MARCHF3: variants seen among roughly 807,000 people sequenced by gnomAD.
The protein encoded by MARCHF3 is E3 ubiquitin-protein ligase MARCHF3.
In MARCHF3, 13 loss-of-function variants were observed where a neutral mutation model predicts 24.2. The ratio of observed to expected loss-of-function variants is 0.54; its 90% CI spans 0.35 to 0.85. The LOEUF is 0.85. MARCHF3 is among the 40% of genes least tolerant of loss of function. MARCHF3 has a pLI of 0.01. For synonymous variants in MARCHF3, 144 were observed against 137.3 expected (o/e 1.05, Z -0.34); for missense variants, 276 against 325.0 (o/e 0.85, Z 1.16).
chr5:127,008,921 ATTTAT>A (rs1752397742), intron 1 of MARCHF3, among the ~76,000 whole-genome samples: 1 of 146,252 alleles, frequency 6.8e-6, no homozygotes. Context: ...TTATTTATTT[ATTTAT>A]TTATTTTTAA....
At chr5:126,928,895 T>C (rs1749388153) in intron 1 of MARCHF3, among the ~76,000 whole-genome samples, 2 of 152,226 alleles carry the variant, frequency 1.3e-5, no homozygotes, top group African/African-American at 4.8e-5. Context: ...TCAGTATGAA[T>C]TTCTAAAAAT....
At chr5:127,019,024 A>C (rs184214435) in intron 1 of MARCHF3, among the ~76,000 whole-genome samples, 1 of 152,372 alleles carries the variant, frequency 6.6e-6, no homozygotes, top group Admixed American at 6.5e-5. Flanking sequence ...ATAATATGCC[A>C]GAAATATAGA....
intron 1 of MARCHF3, among the ~76,000 whole-genome samples, chr5:127,029,088 GACATGCTTACGCAT>G (rs1753091472): frequency 6.6e-6 from 1 of 152,250 alleles, no homozygotes; most frequent in Non-Finnish European, 1.5e-5. Flanking sequence ...GGCAGATGCA[GACATGCTTACGCAT>G]ACACACTCAC....
At chr5:126,888,679 G>A (rs1753574855) in intron 3 of MARCHF3, among the ~76,000 whole-genome samples, 1 of 152,216 alleles carries the variant, frequency 6.6e-6, no homozygotes, top group African/African-American at 2.4e-5. Context: ...GGAGAGCAAG[G>A]AAACAGAAGT....
At chr5:126,901,587 C>T (rs930979476) in intron 3 of MARCHF3, among the ~76,000 whole-genome samples, 27 of 152,132 alleles carry the variant, frequency 1.8e-4, no homozygotes, top group African/African-American at 6.5e-4. Context: ...ATATTTCACA[C>T]ATTAGTCATT....
intron 1 of MARCHF3, among the ~76,000 whole-genome samples, chr5:126,944,400 T>C (rs1419017725): frequency 6.6e-6 from 1 of 151,976 alleles, no homozygotes; most frequent in Non-Finnish European, 1.5e-5. Flanking sequence ...GAGTTCAAGA[T>C]CAGCCTGAGC....
chr5:126,987,747 T>C (rs191802418), intron 1 of MARCHF3, among the ~76,000 whole-genome samples: 1 of 152,256 alleles, frequency 6.6e-6, no homozygotes, highest in Admixed American at 6.5e-5. Context: ...CAACAGAGAC[T>C]GGGATTTCAA....
chr5:126,966,514 A>G (rs1750818307), intron 1 of MARCHF3, among the ~76,000 whole-genome samples: 1 of 150,532 alleles, frequency 6.6e-6, no homozygotes, highest in Non-Finnish European at 1.5e-5. Context: ...GCAAGGTAGA[A>G]TTTTGTTTAT....
intron 1 of MARCHF3, among the ~76,000 whole-genome samples, chr5:126,965,279 GA>G (rs1410622072): frequency 6.6e-6 from 1 of 152,158 alleles, no homozygotes; most frequent in Non-Finnish European, 1.5e-5. Flanking sequence ...TGGGCCCATG[GA>G]AAGAAGCCAA....
intron 1 of MARCHF3, chr5:126,946,445 A>G (rs988068319): frequency 6.6e-5 from 10 of 151,948 alleles, no homozygotes; most frequent in African/African-American, 2.2e-4. Flanking sequence ...TTGCAAAGTT[A>G]AGTTTTGTGT....
chr5:126,921,474 G>A (rs1255631923), intron 1 of MARCHF3, among the ~76,000 whole-genome samples: 2 of 152,162 alleles, frequency 1.3e-5, no homozygotes, highest in African/African-American at 4.8e-5. Flanking sequence ...TTGCACCTGG[G>A]GCAGTGACAA....
At chr5:126,887,283 A>G (rs938051350) in intron 3 of MARCHF3, among the ~76,000 whole-genome samples, 8 of 152,232 alleles carry the variant, frequency 5.3e-5, no homozygotes, top group African/African-American at 1.9e-4. Flanking sequence ...TATTTTCATA[A>G]ACTCTAATTG....
chr5:127,023,013 G>A (rs1007366230), intron 1 of MARCHF3, among the ~76,000 whole-genome samples: 1 of 152,082 alleles, frequency 6.6e-6, no homozygotes, highest in Admixed American at 6.6e-5. Context: ...CTGATCCTTG[G>A]TCTGTACACA....
chr5:126,935,243 T>C (rs1365694239), intron 1 of MARCHF3, among the ~76,000 whole-genome samples: 2 of 152,192 alleles, frequency 1.3e-5, no homozygotes, highest in Non-Finnish European at 2.9e-5. Flanking sequence ...TTCAAATTGA[T>C]AGGCTGAGCA....
intron 1 of MARCHF3, among the ~76,000 whole-genome samples, chr5:126,937,225 T>C (rs551368630): frequency 2.6e-5 from 4 of 152,340 alleles, no homozygotes; most frequent in South Asian, 4.1e-4. Context: ...TTTGCCCCAC[T>C]TGGGGGCAGT....
chr5:126,940,601 C>T (rs1470081837), intron 1 of MARCHF3, among the ~76,000 whole-genome samples: 1 of 152,068 alleles, frequency 6.6e-6, no homozygotes, highest in African/African-American at 2.4e-5. Flanking sequence ...GCACCCGCCA[C>T]CACACCCAGC....
In MARCHF3 at chr5:127,003,235, T is replaced by C. The variant is rs188486823; in HGVS notation, c.-57+27115A>G. 2.5e-3 allele frequency among the ~76,000 whole-genome samples: 373 copies of C among 151,656 alleles called. 1 individual carries two copies. Among genetic ancestry groups the C allele is most frequent in the African/African-American group, 8.5e-3 (353 of 41,300 alleles). The stretch of plus-strand genomic sequence containing the variant: ...TGGCTCACGCTTGTAATCCCAGCAC[T>C]TTGGGAGGCCGAGGCGGGCGGAACA... On this transcript the variant is annotated intron_variant, in intron 1 of 4. Transcript: ENST00000308660.
intron 1 of MARCHF3, among the ~76,000 whole-genome samples, chr5:126,963,998 T>G (rs1004455600): frequency 1.3e-5 from 2 of 152,204 alleles, no homozygotes; most frequent in African/African-American, 4.8e-5. Flanking sequence ...CTGAGTGAGC[T>G]AGCTGCTTGC....
rs555096060 is a variant in MARCHF3 at position 126,893,539 on chromosome 5, C to T, written c.394-15145G>A. On this transcript the variant is annotated intron_variant, in intron 3 of 4. Transcript: ENST00000308660. ...AACATCTTTATTTCTGCCTTCATTT[C>T]GTTATGTATCCAGTAGTCATTCAGG... 6.4e-4 allele frequency among the ~76,000 whole-genome samples: 98 copies of T among 151,996 alleles called. 2 individuals carry two copies. Among genetic ancestry groups the T allele is most frequent in the Middle Eastern group, 3.4e-3 (1 of 294 alleles).
Sources: gnomAD v4.1 joint callset for allele counts (sites outside exome capture counted in the v4.1 genomes callset) on GRCh38, gnomAD v4.1.1 for gene constraint, MANE v1.5 for transcripts, NCBI Gene and HGNC (gene_info 2026-07-23, HGNC 2026-07-21) for gene names.